The following GNA14 variants were observed in gnomAD, a reference collection of about 807,000 sequenced individuals.
GNA14 encodes the protein guanine nucleotide-binding protein subunit alpha-14.
Under a neutral mutation model 42.0 loss-of-function variants are expected in GNA14, and 50 were observed. The observed-to-expected ratio is 1.19, with a 90% CI of 0.95 to 1.51. GNA14 has a LOEUF of 1.51. Ranked by LOEUF, GNA14 falls within the 40% of genes most tolerant of loss-of-function variation. The probability of loss-of-function intolerance (pLI) is 0.00; values close to 1 mark genes in which losing one functional copy is unlikely to be tolerated. For synonymous variants in GNA14, 173 were observed against 163.1 expected, an observed-to-expected ratio of 1.06 and a Z score of -0.46; for missense variants, 473 against 446.2, an observed-to-expected ratio of 1.06 and a Z score of -0.54.
At chr9:77,443,755 C>T (rs963821159) in intron 2 of GNA14, among the ~76,000 whole-genome samples, 2 of 152,186 alleles carry the variant, frequency 1.3e-5, no homozygotes, top group African/African-American at 4.8e-5. Flanking sequence ...GAGAGGATCA[C>T]TTAAAGCCAG....
chr9:77,581,962 T>C (rs1451310950), intron 1 of GNA14, among the ~76,000 whole-genome samples: 1 of 152,240 alleles, frequency 6.6e-6, no homozygotes, highest in Non-Finnish European at 1.5e-5. Flanking sequence ...AACTCTTAAA[T>C]TGTAACACCC....
intron 2 of GNA14, among the ~76,000 whole-genome samples, chr9:77,520,731 T>G (rs1015303279): frequency 8.5e-5 from 13 of 152,160 alleles, no homozygotes; most frequent in East Asian, 3.9e-4. Flanking sequence ...ATTTCACATG[T>G]GTTGGACGGA....
chr9:77,617,543 G>C (rs1212090724), intron 1 of GNA14, among the ~76,000 whole-genome samples: 1 of 152,012 alleles, frequency 6.6e-6, no homozygotes, highest in African/African-American at 2.4e-5. Flanking sequence ...ATCTCAACTG[G>C]TCTTCCTGCC....
intron 2 of GNA14, among the ~76,000 whole-genome samples, chr9:77,457,267 G>A (rs540467775): frequency 1.8e-4 from 28 of 152,346 alleles, no homozygotes; most frequent in African/African-American, 6.7e-4. Context: ...GAGTTTAGTG[G>A]AAGGCGCATC....
At chr9:77,498,524 T>C (rs1042965928) in intron 2 of GNA14, among the ~76,000 whole-genome samples, 1 of 152,168 alleles carries the variant, frequency 6.6e-6, no homozygotes, top group African/African-American at 2.4e-5. Flanking sequence ...AATGGATGGA[T>C]GGCTCCTAAG....
chr9:77,501,401 G>C (rs551609597), intron 2 of GNA14, among the ~76,000 whole-genome samples: 1 of 152,240 alleles, frequency 6.6e-6, no homozygotes, highest in South Asian at 2.1e-4. Context: ...CATTCTGATA[G>C]GTATAGAGTA....
intron 1 of GNA14, among the ~76,000 whole-genome samples, chr9:77,552,289 G>C (rs1289805882): frequency 6.6e-6 from 1 of 152,206 alleles, no homozygotes; most frequent in East Asian, 1.9e-4. Flanking sequence ...AAAAGTGAAG[G>C]ACAGTGGAGG....
At chr9:77,475,556 G>A (rs1449641834) in intron 2 of GNA14, among the ~76,000 whole-genome samples, 1 of 152,162 alleles carries the variant, frequency 6.6e-6, no homozygotes, top group Non-Finnish European at 1.5e-5. Context: ...GGCTGTGAAG[G>A]CAGTAAGTGG....
At chr9:77,603,371 C>G (rs1823597406) in intron 1 of GNA14, among the ~76,000 whole-genome samples, 1 of 152,048 alleles carries the variant, frequency 6.6e-6, no homozygotes. Flanking sequence ...AAGCCTGGAA[C>G]TTTGAATAAA....
chr9:77,486,286 T>C (rs1004733461), intron 2 of GNA14, among the ~76,000 whole-genome samples: 2 of 152,206 alleles, frequency 1.3e-5, no homozygotes, highest in Non-Finnish European at 1.5e-5. Flanking sequence ...ACTTCCAGCT[T>C]TTATTGTGCA....
At chr9:77,445,653 G>T (rs571587692) in intron 2 of GNA14, among the ~76,000 whole-genome samples, 5 of 152,026 alleles carry the variant, frequency 3.3e-5, no homozygotes, top group African/African-American at 9.7e-5. Context: ...GAGGCAGAAG[G>T]ATCACTTGAA....
At chr9:77,605,856 T>A (rs1225620123) in intron 1 of GNA14, among the ~76,000 whole-genome samples, 1 of 152,248 alleles carries the variant, frequency 6.6e-6, no homozygotes, top group Non-Finnish European at 1.5e-5. Context: ...ATTCTATGAT[T>A]TCTAAATTCC....
At chr9:77,591,121 A>T (rs1823384414) in intron 1 of GNA14, among the ~76,000 whole-genome samples, 12 of 152,202 alleles carry the variant, frequency 7.9e-5, no homozygotes, top group Admixed American at 7.9e-4. Context: ...CAGTGCACTG[A>T]AATACTGCAT....
chr9:77,547,458 C>A (rs1837733879), intron 1 of GNA14, among the ~76,000 whole-genome samples: 1 of 152,150 alleles, frequency 6.6e-6, no homozygotes, highest in Non-Finnish European at 1.5e-5. Flanking sequence ...AGTGGGATGC[C>A]TTTGCTGTCG....
At chr9:77,461,720 T>A (rs1273107282) in intron 2 of GNA14, among the ~76,000 whole-genome samples, 1 of 151,338 alleles carries the variant, frequency 6.6e-6, no homozygotes, top group Non-Finnish European at 1.5e-5. Context: ...AACATGCTTC[T>A]CTTAAATCAG....
intron 6 of GNA14, among the ~76,000 whole-genome samples, chr9:77,424,527 G>C (rs1361530139): frequency 2.6e-5 from 4 of 152,116 alleles, no homozygotes. Flanking sequence ...CTGGCCCCAA[G>C]AACCATTTTT....
At chr9:77,562,592 T>G (rs1357445243) in intron 1 of GNA14, among the ~76,000 whole-genome samples, 1 of 152,108 alleles carries the variant, frequency 6.6e-6, no homozygotes, top group Non-Finnish European at 1.5e-5. Flanking sequence ...ATGGGTCTAT[T>G]CATACGTGGT....
intron 2 of GNA14, among the ~76,000 whole-genome samples, chr9:77,498,548 G>A (rs186267762): frequency 6.6e-6 from 1 of 152,212 alleles, no homozygotes; most frequent in African/African-American, 2.4e-5. Context: ...CATCTCCTAG[G>A]GTTATAGTAG....
Position 77,431,445 on chromosome 9 carries a change from G to C in GNA14, c.469C>G (p.Leu157Val), listed in dbSNP as rs772912335. Residue 157 changes from leucine (L) to valine (V), a missense_variant, in exon 4 of 7, where the codon CTG (leucine) becomes GTG (valine). Coordinates refer to ENST00000341700, the MANE Select transcript of GNA14 (RefSeq NM_004297.4). ...YQLSDSAKYY[L>V]TDIDRIATPS... ...GTGGCGATGCGGTCAATGTCAGTCA[G>C]GTAACTGTATATTAGAGAACGAGGA... 1.2e-6 allele frequency: 2 copies of C among 1,612,162 alleles called. No homozygotes were observed. Among genetic ancestry groups the C allele is most frequent in the Admixed American group, 3.3e-5 (2 of 59,980 alleles).
Sources: gnomAD v4.1 joint callset for allele counts (sites outside exome capture counted in the v4.1 genomes callset) on GRCh38, gnomAD v4.1.1 for gene constraint, MANE v1.5 for transcripts, NCBI Gene and HGNC (gene_info 2026-07-23, HGNC 2026-07-21) for gene names.